The following F8 variants were observed in gnomAD, a reference collection of about 807,000 sequenced individuals.
The protein encoded by F8 is coagulation factor VIII.
Under a neutral mutation model 140.6 loss-of-function variants are expected in F8, and 12 were observed. The observed-to-expected ratio is 0.09, with a 90% CI of 0.05 to 0.14. The LOEUF (loss-of-function observed/expected upper bound fraction) is 0.14, where lower values mean the gene tolerates loss of function less well. F8 is among the 10% of genes least tolerant of loss of function. The pLI, the probability that F8 is intolerant of heterozygous loss-of-function variation, is 1.00. For synonymous variants in F8, 585 were observed against 614.6 expected (o/e 0.95, Z 0.71); for missense variants, 1,354 against 1,720.7 (o/e 0.79, Z 3.77).
chrX:154,977,157 A>AT (rs199968005), intron 6 of F8, among the ~76,000 whole-genome samples: 1 of 111,814 alleles, frequency 8.9e-6, no homozygotes. Context: ...TTGCAAGAAA[A>AT]TTTTTTAAAA....
intron 21 of F8, among the ~76,000 whole-genome samples, chrX:154,896,902 T>C (rs905149432): frequency 8.9e-6 from 1 of 112,160 alleles, no homozygotes; most frequent in Non-Finnish European, 1.9e-5. Flanking sequence ...GTGAACCCAT[T>C]TGAGTCACCT....
intron 6 of F8, among the ~76,000 whole-genome samples, chrX:154,970,441 A>G (rs2073450565): frequency 9.0e-6 from 1 of 111,541 alleles, no homozygotes; most frequent in South Asian, 3.8e-4. Context: ...CACTATCTTA[A>G]TCCAAGTTAC....
intron 3 of F8, among the ~76,000 whole-genome samples, chrX:154,995,133 CAT>C (rs1470819776): frequency 1.8e-5 from 2 of 111,674 alleles, no homozygotes; most frequent in Non-Finnish European, 3.8e-5. Context: ...GTGATGGGCA[CAT>C]GTTTGTTTGT....
intron 13 of F8, among the ~76,000 whole-genome samples, chrX:154,942,786 G>A (rs1231146970): frequency 2.8e-5 from 3 of 106,186 alleles, no homozygotes; most frequent in East Asian, 2.9e-4. Flanking sequence ...CTGGCAAACC[G>A]AATCCAGCAG....
In F8 at chrX:154,930,924, T is replaced by C; in HGVS notation, c.2866A>G (p.Ser956Gly). 8.3e-7 allele frequency: 1 copy of C among 1,199,007 alleles called. No homozygotes were observed. Among genetic ancestry groups the C allele is most frequent in the South Asian group, 1.8e-5 (1 of 54,208 alleles). ...SPLTESGGPL[S>G]LSEENNDSKL... is the part of the protein sequence containing the mutation. Reference sequence around the variant, plus strand: ...GAATCATTATTTTCTTCACTCAAGCTCAGAGGTCCACCAGACTCAGTAAGG... The same window carrying C: ...GAATCATTATTTTCTTCACTCAAGCCCAGAGGTCCACCAGACTCAGTAAGG... The change falls in exon 14 of 26, where the codon AGC becomes GGC. Residue 956 changes from serine to glycine, a missense_variant. Physicochemically the swap from Ser to Gly is moderately conservative, Grantham distance 56 (BLOSUM62 0). Around this residue, in one of 4 missense-constraint regions of F8, gnomAD observed 658 missense variants for 666.5 expected, o/e 0.99. Transcript: ENST00000360256.
At chrX:154,932,680 A>C (rs952462845) in intron 13 of F8, among the ~76,000 whole-genome samples, 2 of 111,753 alleles carry the variant, frequency 1.8e-5, no homozygotes, top group Non-Finnish European at 3.8e-5. Flanking sequence ...CATTATCAGG[A>C]AGTGATTATG....
intron 2 of F8, 64 bp downstream of exon 2, chrX:154,999,415 G>A: frequency 8.9e-7 from 1 of 1,129,082 alleles, no homozygotes; most frequent in Non-Finnish European, 1.2e-6. Flanking sequence ...TCAAGATTGG[G>A]GAATCTGTGA....
At chrX:155,007,770 C>T (rs188264771) in intron 1 of F8, among the ~76,000 whole-genome samples, 42 of 111,935 alleles carry the variant, frequency 3.8e-4, no homozygotes, top group African/African-American at 1.3e-3. Flanking sequence ...AGTTTCATGC[C>T]GTAACCATTC....
At chrX:154,850,274 G>A (rs781836643) in intron 25 of F8, among the ~76,000 whole-genome samples, 3 of 109,292 alleles carry the variant, frequency 2.7e-5, no homozygotes, top group African/African-American at 6.7e-5. Context: ...GATTACAAGC[G>A]CATGCCAGCA....
intron 6 of F8, among the ~76,000 whole-genome samples, chrX:154,979,684 G>C (rs782282046): frequency 9.0e-6 from 1 of 111,600 alleles, no homozygotes; most frequent in Non-Finnish European, 1.9e-5. Context: ...TTTGTTCTTG[G>C]AATATGTGAA....
intron 22 of F8, among the ~76,000 whole-genome samples, chrX:154,864,563 A>C (rs1470923013): frequency 8.9e-6 from 1 of 112,636 alleles, no homozygotes; most frequent in Non-Finnish European, 1.9e-5. Context: ...AGGATACAGG[A>C]AGACGACTAA....
intron 1 of F8, among the ~76,000 whole-genome samples, chrX:155,010,701 C>T: frequency 9.1e-6 from 1 of 110,404 alleles, no homozygotes; most frequent in East Asian, 2.8e-4. Context: ...CACTAATATA[C>T]ACAGTGTATT....
In F8 at chrX:155,013,003, A is replaced by G. The variant is rs189978604; in HGVS notation, c.143+9407T>C. On this transcript the variant is annotated intron_variant, in intron 1 of 25. Coordinates refer to ENST00000360256, the MANE Select transcript of F8 (RefSeq NM_000132.4). Reference sequence around the variant, plus strand: ...CTACTATCAGTATAAAAAATTAGCCAGGCGTGGTGGCGGGCGCCTGTCGTC... The same window carrying G: ...CTACTATCAGTATAAAAAATTAGCCGGGCGTGGTGGCGGGCGCCTGTCGTC... Among the ~76,000 whole-genome samples the G allele has an allele frequency of 4.9e-3, 533 of 108,816 alleles. 1 individual carries two copies. The highest frequency in any genetic ancestry group is 0.016 in the African/African-American group (473 of 29,812). The allele number at this position is 108,816 out of a possible 115,157, so 94.5% of individuals were successfully genotyped here. A position where few individuals can be genotyped will look rare whatever the true frequency, so the allele number is the denominator to read the frequency against.
intron 22 of F8, among the ~76,000 whole-genome samples, chrX:154,893,848 A>G (rs1557275419): frequency 8.9e-6 from 1 of 111,894 alleles, no homozygotes; most frequent in African/African-American, 3.3e-5. Flanking sequence ...AACTGTAAAG[A>G]ATCTCTATTA....
At position 154,930,792 on chromosome X, in the gene F8, G is replaced by A. The variant is rs782012565; in HGVS notation, c.2998C>T (p.Pro1000Ser). 1.4e-5 allele frequency: 17 copies of A among 1,208,958 alleles called. No homozygotes were observed. The highest frequency in any genetic ancestry group is 1.9e-5 in the Non-Finnish European group (17 of 894,338). Residue 1000 changes from proline (P) to serine (S), a missense_variant, in exon 14 of 26, where the codon CCT becomes TCT. Coordinates refer to ENST00000360256, the MANE Select transcript of F8 (RefSeq NM_000132.4). ...GCATTATCTTTAGTCAACAAAGCAGGTCCATGAGCTCTTTTCCCTTTAAAT... is the reference window on the plus strand; with the variant it reads ...GCATTATCTTTAGTCAACAAAGCAGATCCATGAGCTCTTTTCCCTTTAAAT... ...RLFKGKRAHG[P>S]ALLTKDNALF...
At chrX:154,920,191 C>T in intron 14 of F8, 1 of 113,557 alleles carries the variant, frequency 8.8e-6, no homozygotes, top group Non-Finnish European at 1.8e-5. Context: ...ATACTTGTGT[C>T]ATTTTGTTAA....
intron 14 of F8, among the ~76,000 whole-genome samples, chrX:154,927,318 T>C (rs1168730519): frequency 9.0e-6 from 1 of 111,619 alleles, no homozygotes; most frequent in Non-Finnish European, 1.9e-5. Context: ...TTGATGTTGA[T>C]GAGATTAATC....
At chrX:154,935,226 G>C (rs1225030811) in intron 13 of F8, among the ~76,000 whole-genome samples, 1 of 111,395 alleles carries the variant, frequency 9.0e-6, no homozygotes, top group East Asian at 2.8e-4. Flanking sequence ...ATGTTGCCAA[G>C]GAGAAGATAA....
chrX:155,012,963 G>A (rs1271508610), intron 1 of F8, among the ~76,000 whole-genome samples: 1 of 108,441 alleles, frequency 9.2e-6, no homozygotes, highest in Non-Finnish European at 1.9e-5. Flanking sequence ...TGGCTAACAC[G>A]GTGAAACCCC....
Sources: gnomAD v4.1 joint callset for allele counts (sites outside exome capture counted in the v4.1 genomes callset) on GRCh38, gnomAD v4.1.1 for gene constraint, gnomAD v4.1.1 regional missense constraint, MANE v1.5 for transcripts, NCBI Gene and HGNC (gene_info 2026-07-23, HGNC 2026-07-21) for gene names.